Variants in PISD observed in about 807,000 individuals in gnomAD.
The protein encoded by PISD is phosphatidylserine decarboxylase proenzyme, mitochondrial.
Under a neutral mutation model 43.5 loss-of-function variants are expected in PISD, and 31 were observed. The ratio of observed to expected loss-of-function variants is 0.71; its 90% CI spans 0.54 to 0.96. The LOEUF (loss-of-function observed/expected upper bound fraction) is 0.96, where lower values mean the gene tolerates loss of function less well. Ranked by LOEUF, PISD falls within the 40% of genes least tolerant of loss-of-function variation. The probability of loss-of-function intolerance (pLI) is 0.00; values close to 1 mark genes in which losing one functional copy is unlikely to be tolerated. For synonymous variants in PISD, 259 were observed against 228.7 expected, an observed-to-expected ratio of 1.13 and a Z score of -1.20; for missense variants, 523 against 548.4, an observed-to-expected ratio of 0.95 and a Z score of 0.46.
chr22:31,629,571 T>G (rs1201243392), intron 3 of PISD: 1 of 95,796 alleles, frequency 1.0e-5, no homozygotes, highest in Non-Finnish European at 2.0e-5. Flanking sequence ...AGGGGGCGCG[T>G]GCGTGTATGG....
At chr22:31,625,638 C>T (rs2072864609) in intron 3 of PISD, 4 of 1,271,206 alleles carry the variant, frequency 3.1e-6, no homozygotes, top group South Asian at 1.3e-5. Context: ...CTCCTCCAGC[C>T]TCGGGGGCTG....
chr22:31,648,565 G>T (rs568205600), intron 2 of PISD, among the ~76,000 whole-genome samples: 1 of 152,012 alleles, frequency 6.6e-6, no homozygotes, highest in East Asian at 1.9e-4. Flanking sequence ...AGCTACTCGG[G>T]AGGCTGAGGC....
chr22:31,640,732 C>T (rs1393741547), intron 3 of PISD, among the ~76,000 whole-genome samples: 7 of 150,132 alleles, frequency 4.7e-5, no homozygotes, highest in African/African-American at 1.2e-4. Context: ...AGGTGCCTGC[C>T]GCCACGCCTG....
At chr22:31,637,435 C>T (rs1404014337) in intron 3 of PISD, among the ~76,000 whole-genome samples, 1 of 151,540 alleles carries the variant, frequency 6.6e-6, no homozygotes, top group Non-Finnish European at 1.5e-5. Context: ...CATTAAAAAT[C>T]TCTCACTGGC....
At chr22:31,644,551 T>C (rs557480283) in intron 3 of PISD, among the ~76,000 whole-genome samples, 2 of 152,184 alleles carry the variant, frequency 1.3e-5, no homozygotes, top group South Asian at 4.2e-4. Flanking sequence ...AAATTCATAA[T>C]TTTTAAAGCT....
At chr22:31,631,816 C>G (rs1255943705) in intron 3 of PISD, among the ~76,000 whole-genome samples, 1 of 152,224 alleles carries the variant, frequency 6.6e-6, no homozygotes, top group Non-Finnish European at 1.5e-5. Context: ...CGCCCATTCC[C>G]TATTCAATGG....
At chr22:31,634,834 CAAAA>C (rs33999998) in intron 3 of PISD, among the ~76,000 whole-genome samples, 3 of 81,086 alleles carry the variant, frequency 3.7e-5, no homozygotes, top group East Asian at 3.7e-4. Context: ...GACTCCATCT[CAAAA>C]AAAAAAAAAA....
upstream of PISD, chr22:31,662,237 C>T (rs745809672): frequency 6.3e-7 from 1 of 1,596,328 alleles, no homozygotes; most frequent in South Asian, 1.1e-5. Flanking sequence ...GCGTGCCACG[C>T]CCCCTTCACA....
rs1384159414 is a variant in PISD at position 31,621,041 on chromosome 22, G to A, written c.799C>T (p.His267Tyr). 1.9e-6 allele frequency: 3 copies of A among 1,613,974 alleles called. No individual in the cohort carries two copies. Among genetic ancestry groups the A allele is most frequent in the South Asian group, 2.2e-5 (2 of 91,086 alleles). The change falls in exon 6 of 8, where the codon CAC becomes TAC. Residue 267 changes from histidine (H) to tyrosine (Y), a missense_variant. His to Tyr is a moderately conservative substitution (Grantham distance 83). Transcript: ENST00000439502. ...GACACAGTCCAGTCGGTGGGGGAGT[G>A]GAAGCAGTGGTAGTCCCCAGGGGCC... ...YLAPGDYHCFHSPTDWTVSHR... is the reference protein window; with the variant it reads ...YLAPGDYHCFYSPTDWTVSHR...
rs1166376885 is a variant in PISD, at chr22:31,618,599, A to G, written c.*1013T>C. 2 of 544,784 alleles carry G rather than the reference A, an allele frequency of 3.7e-6. No homozygotes were observed. Among genetic ancestry groups the G allele is most frequent in the Non-Finnish European group, 5.8e-6 (2 of 345,270 alleles). The allele number at this position is 544,784 out of a possible 1,614,324, so 33.7% of individuals were successfully genotyped here. A position where few individuals can be genotyped will look rare whatever the true frequency, so the allele number is the denominator to read the frequency against. On this transcript the variant is annotated 3_prime_UTR_variant, in exon 8 of 8. Coordinates refer to ENST00000439502, the MANE Select transcript of PISD (RefSeq NM_001326411.2). ...ATACTGTGCTACTGATACAGTTGAA[A>G]AAATTCAATGATGTCTCTCCTGCAG...
At chr22:31,656,473 A>C (rs886870499) in intron 1 of PISD, among the ~76,000 whole-genome samples, 4 of 151,692 alleles carry the variant, frequency 2.6e-5, no homozygotes, top group Admixed American at 6.6e-5. Flanking sequence ...ACATGGTGAA[A>C]CTCCATCTCT....
At chr22:31,635,168 A>AAAAACAAAACAAAAC (rs75918790) in intron 3 of PISD, among the ~76,000 whole-genome samples, 1,551 of 151,984 alleles carry the variant, frequency 0.01, 9 homozygotes, top group Middle Eastern at 0.031. Flanking sequence ...CTCCGTCTCA[A>AAAAACAAAACAAAAC]AAAACAAAAC....
At chr22:31,623,627 C>T in intron 3 of PISD, 1 of 1,529,336 alleles carries the variant, frequency 6.5e-7, no homozygotes, top group Admixed American at 2.0e-5. Flanking sequence ...TCCTGCACCC[C>T]AACCTCAGGC....
chr22:31,660,593 G>A lies in PISD; in HGVS notation c.65+1551C>T, dbSNP rs189187637. On this transcript the variant is annotated intron_variant, in intron 1 of 7. Coordinates refer to ENST00000439502, the MANE Select transcript of PISD (RefSeq NM_001326411.2). ...GAACTGCTTGAGACCAGGAGGTGGA[G>A]GCTGCAGTGAGCCATCATCACACCA... 9.8e-5 allele frequency among the ~76,000 whole-genome samples: 15 copies of A among 152,290 alleles called. 1 individual carries two copies. Among genetic ancestry groups the A allele is most frequent in the Admixed American group, 9.8e-4 (15 of 15,274 alleles).
chr22:31,628,753 T>C (rs893050248), intron 3 of PISD: 58 of 864,148 alleles, frequency 6.7e-5, no homozygotes, highest in Non-Finnish European at 7.2e-5. Flanking sequence ...CCCTTGAGGC[T>C]CAGAGCACAG....
intron 1 of PISD, among the ~76,000 whole-genome samples, chr22:31,658,855 C>CTTT (rs112877920): frequency 8.4e-6 from 1 of 118,610 alleles, no homozygotes; most frequent in Non-Finnish European, 1.8e-5. Context: ...TTTTCTTTTT[C>CTTT]TTTTTTTTTT....
chr22:31,629,339 G>A (rs1030284053), intron 3 of PISD: 4 of 402,360 alleles, frequency 9.9e-6, no homozygotes, highest in Non-Finnish European at 1.3e-5. Context: ...AGGATGTGTG[G>A]GGTGTGTAGG....
chr22:31,643,952 G>A (rs1161997428), intron 3 of PISD, among the ~76,000 whole-genome samples: 1 of 152,076 alleles, frequency 6.6e-6, no homozygotes. Flanking sequence ...GGAGGCTGAG[G>A]CAGGAGAATG....
In PISD at chr22:31,626,097, GCACTAAAGCCCACTGTCCCCAGTCCTGGC is replaced by G. The variant is rs1308826828; in HGVS notation, c.322-4241_322-4213del. 7 of 1,325,498 alleles carry G rather than the reference GCACTAAAGCCCACTGTCCCCAGTCCTGGC, an allele frequency of 5.3e-6. No individual in the cohort carries two copies. The African/African-American group carries it at 8.9e-5, about 17-fold the overall frequency. 82.1% of individuals were successfully genotyped at this position (1,325,498 alleles called of 1,614,324 possible). ...CTTGCAGTCCAGTGCAAAAGCCCCT[GCACTAAAGCCCACTGTCCCCAGTCCTGGC>G]CACCTGCTCTGTCCCTGCTACCCAG... On this transcript the variant is annotated intron_variant, in intron 3 of 7. Transcript: ENST00000439502.
Sources: allele counts gnomAD v4.1 joint callset (sites outside exome capture counted in the v4.1 genomes callset), GRCh38; gene constraint gnomAD v4.1.1; transcripts MANE v1.5; gene names NCBI Gene and HGNC (gene_info 2026-07-23, HGNC 2026-07-21).